ZNF607: variants seen among roughly 807,000 people sequenced by gnomAD.
ZNF607 encodes zinc finger protein 607.
A neutral mutation model predicts 12.8 loss-of-function variants in ZNF607; 5 were observed. That is an observed-to-expected ratio of 0.39 (90% CI 0.20 to 0.82). The LOEUF (loss-of-function observed/expected upper bound fraction) is 0.82. Among genes scored for constraint, ZNF607 ranks in the 40% least tolerant of loss-of-function variants. The pLI, the probability that ZNF607 is intolerant of heterozygous loss-of-function variation, is 0.39. For synonymous variants in ZNF607, 287 were observed against 276.2 expected (o/e 1.04, Z -0.39); for missense variants, 851 against 859.2 (o/e 0.99, Z 0.12).
At position 37,705,781 on chromosome 19, in the gene ZNF607, A is replaced by C. The variant is rs2045077423; in HGVS notation, c.235+2133T>G. Among the ~76,000 whole-genome samples the C allele has an allele frequency of 2.0e-5, 3 of 152,236 alleles. No homozygotes were observed. The South Asian group carries it at 6.2e-4, about 32-fold the overall frequency. On this transcript the variant is annotated intron_variant, in intron 4 of 4. Transcript: ENST00000355202. Reference sequence around the variant, plus strand: ...CTTAAGAAGAAATTGAAAATCTGAAAAAGAAAAAAAACTATATTTCTTTCT... The same window carrying C: ...CTTAAGAAGAAATTGAAAATCTGAACAAGAAAAAAAACTATATTTCTTTCT...
At chr19:37,702,287 C>CAA (rs10714690) in intron 4 of ZNF607, among the ~76,000 whole-genome samples, 114 of 73,488 alleles carry the variant, frequency 1.6e-3, no homozygotes, top group East Asian at 3.1e-3. Flanking sequence ...AACTCCATCT[C>CAA]AAAAAAAAAA....
At chr19:37,706,311 CA>C (rs1449374227) in intron 4 of ZNF607, 2 of 152,330 alleles carry the variant, frequency 1.3e-5, no homozygotes, top group Non-Finnish European at 2.9e-5. Context: ...AAGGGAAAAA[CA>C]AAAGAAAAGA....
chr19:37,714,661 T>G lies in ZNF607; in HGVS notation c.-74-2969A>C, dbSNP rs1352440902. 3.3e-5 allele frequency among the ~76,000 whole-genome samples: 5 copies of G among 151,860 alleles called. No homozygotes were observed. The East Asian group carries it at 9.6e-4, about 29-fold the overall frequency. ...GTCTTCTCACTCTCAAAAGTGATAC[T>G]GAGTTTTGCCTTATGAGAGATGCTA... On this transcript the variant is annotated intron_variant, in intron 1 of 4. Transcript: ENST00000355202.
In ZNF607 at chr19:37,699,720, A is replaced by G; in HGVS notation, c.411T>C (p.Thr137=). 3 of 1,614,094 alleles carry G rather than the reference A, an allele frequency of 1.9e-6. No homozygotes were observed. Among genetic ancestry groups the G allele is most frequent in the Non-Finnish European group, 2.5e-6 (3 of 1,180,010 alleles). The change falls in exon 5 of 5, where the codon ACT becomes ACC. Residue 137 remains threonine, a synonymous_variant. Transcript: ENST00000355202. ...TELMVHQTIH[T]SEEPDQCEKF... ...TTTCACATTGATCAGGTTCCTCACT[A>G]GTATGAATTGTTTGATGTACCATGA...
chr19:37,708,241 G>A (rs2045103389), intron 3 of ZNF607, among the ~76,000 whole-genome samples: 2 of 151,308 alleles, frequency 1.3e-5, no homozygotes, highest in African/African-American at 4.9e-5. Flanking sequence ...TGTCACCCAG[G>A]CTGGAGTGCA....
chr19:37,708,124 G>T, intron 3 of ZNF607, 112 bp from the exon 4 acceptor site: 2 of 697,244 alleles, frequency 2.9e-6, no homozygotes, highest in East Asian at 2.9e-5. Context: ...AGATTTTAGA[G>T]AAGAGTGAGG....
rs939399249 is a variant in ZNF607, at chr19:37,696,508, A to G, written c.*1532T>C. 7.4e-6 allele frequency: 3 copies of G among 405,900 alleles called. No homozygotes were observed. Among genetic ancestry groups the G allele is most frequent in the Non-Finnish European group, 1.4e-5 (3 of 219,882 alleles). The allele number at this position is 405,900 out of a possible 1,614,324, so 25.1% of individuals were successfully genotyped here. A position where few individuals can be genotyped will look rare whatever the true frequency, so the allele number is the denominator to read the frequency against. On this transcript the variant is annotated 3_prime_UTR_variant, in exon 5 of 5. Transcript: ENST00000355202. ...ATTTTACCTTTACTTCCTTCACTTT[A>G]AGCCAATCATGAAATTTCAGTGATT...
Position 37,697,362 on chromosome 19 carries a change from A to G in ZNF607, c.*678T>C, listed in dbSNP as rs1164382809. ...CATGCCTCCTGCAACAGCTAAGGCC[A>G]GGCCAAACTTGCCGATGGACTCAAA... On this transcript the variant is annotated 3_prime_UTR_variant, in exon 5 of 5. Transcript: ENST00000355202. The G allele has an allele frequency of 3.3e-6, 5 of 1,517,628 alleles. No homozygotes were observed. Among genetic ancestry groups the G allele is most frequent in the Non-Finnish European group, 4.5e-6 (5 of 1,107,094 alleles). 94.0% of individuals were successfully genotyped at this position (1,517,628 alleles called of 1,614,324 possible). A position where few individuals can be genotyped will look rare whatever the true frequency, so the allele number is the denominator to read the frequency against.
At chr19:37,711,168 A>G (rs1330511203) in intron 2 of ZNF607, among the ~76,000 whole-genome samples, 1 of 152,232 alleles carries the variant, frequency 6.6e-6, no homozygotes, top group African/African-American at 2.4e-5. Flanking sequence ...CCCTACCTGA[A>G]GATTTAGATC....
Position 37,697,568 on chromosome 19 carries a change from ATGT to A in ZNF607, c.*469_*471del. The A allele has an allele frequency of 2.0e-6, 1 of 489,328 alleles. No homozygotes were observed. The highest frequency in any genetic ancestry group is 3.7e-5 in the East Asian group (1 of 26,922). The allele number at this position is 489,328 out of a possible 1,614,324, so 30.3% of individuals were successfully genotyped here. On this transcript the variant is annotated 3_prime_UTR_variant, in exon 5 of 5. Coordinates refer to ENST00000355202, the MANE Select transcript of ZNF607 (RefSeq NM_032689.5). ...ATATCATCCCAGCTATAGGAAGCAG[ATGT>A]TGATCATGAGCATTAAATATGCAGA...
At position 37,698,149 on chromosome 19, in the gene ZNF607, C is replaced by G. The variant is rs139379295; in HGVS notation, c.1982G>C (p.Ser661Thr). The change falls in exon 5 of 5, where the codon AGT becomes ACT. Residue 661 changes from serine (S) to threonine (T), a missense_variant. Transcript: ENST00000355202. ...ACCAGTATGAACTCTATGATGTATA[C>G]TAAGTTCATGGCTACTATTAAAAGC... is the stretch of plus-strand genomic sequence containing the variant. ...GKAFNSSHELSIHHRVHTGEK... is the reference protein window; with the variant it reads ...GKAFNSSHELTIHHRVHTGEK... 1 of 1,613,862 alleles carries G rather than the reference C, an allele frequency of 6.2e-7. No homozygotes were observed. The highest frequency in any genetic ancestry group is 8.5e-7 in the Non-Finnish European group (1 of 1,179,932).
chr19:37,697,384 CA>C lies in ZNF607; in HGVS notation c.*655del, dbSNP rs2044985346. On this transcript the variant is annotated 3_prime_UTR_variant, in exon 5 of 5. Coordinates refer to ENST00000355202, the MANE Select transcript of ZNF607 (RefSeq NM_032689.5). ...GCCAGGCCAAACTTGCCGATGGACT[CA>C]AACACTTTGGCAGCCATGTTTTCTT... 1 of 1,514,298 alleles carries C rather than the reference CA, an allele frequency of 6.6e-7. No homozygotes were observed. Among genetic ancestry groups the C allele is most frequent in the South Asian group, 1.1e-5 (1 of 88,698 alleles). The allele number at this position is 1,514,298 out of a possible 1,614,324, so 93.8% of individuals were successfully genotyped here.
chr19:37,705,567 C>T (rs1239915496), intron 4 of ZNF607, among the ~76,000 whole-genome samples: 5 of 151,446 alleles, frequency 3.3e-5, no homozygotes, highest in African/African-American at 1.2e-4. Context: ...CGCTTATAGT[C>T]TCAGCCGCTT....
At chr19:37,710,390 T>G (rs1335567757) in intron 2 of ZNF607, among the ~76,000 whole-genome samples, 1 of 147,962 alleles carries the variant, frequency 6.8e-6, no homozygotes, top group South Asian at 2.1e-4. Context: ...CCCTTGAGCC[T>G]AGAAGGCAGA....
intron 4 of ZNF607, among the ~76,000 whole-genome samples, chr19:37,704,814 G>C (rs564660813): frequency 8.7e-6 from 1 of 115,480 alleles, no homozygotes; most frequent in South Asian, 2.8e-4. Context: ...AAAATTAGTC[G>C]GGCATGGTGG....
At chr19:37,701,350 C>T (rs909907051) in intron 4 of ZNF607, among the ~76,000 whole-genome samples, 1 of 152,208 alleles carries the variant, frequency 6.6e-6, no homozygotes, top group South Asian at 2.1e-4. Flanking sequence ...TCTAAAGCAA[C>T]CTTTTTCGAT....
rs368954078 is a variant in ZNF607 at position 37,698,143 on chromosome 19, T to C, written c.1988A>G (p.His663Arg). The change falls in exon 5 of 5, where the codon CAT (histidine) becomes CGT (arginine). Residue 663 changes from histidine (H) to arginine (R), a missense_variant. Physicochemically the swap from His to Arg is conservative, Grantham distance 29. Transcript: ENST00000355202. ...TTTCTCACCAGTATGAACTCTATGA[T>C]GTATACTAAGTTCATGGCTACTATT... The part of the protein sequence containing the change: ...AFNSSHELSI[H>R]HRVHTGEKPF... 5 of 1,613,968 alleles carry C rather than the reference T, an allele frequency of 3.1e-6. No homozygotes were observed. In the African/African-American group the frequency reaches 6.7e-5, roughly 22 times the overall value.
intron 4 of ZNF607, among the ~76,000 whole-genome samples, chr19:37,702,491 GAT>G (rs1262640936): frequency 6.6e-6 from 1 of 152,054 alleles, no homozygotes; most frequent in Non-Finnish European, 1.5e-5. Flanking sequence ...TGCCAAGTAA[GAT>G]ATGTTACATT....
At chr19:37,707,089 G>A (rs754834069) in intron 4 of ZNF607, among the ~76,000 whole-genome samples, 6 of 152,180 alleles carry the variant, frequency 3.9e-5, no homozygotes, top group Non-Finnish European at 7.3e-5. Flanking sequence ...GCCTACCAAA[G>A]TGCTGGGATT....
Sources: allele counts gnomAD v4.1 joint callset (sites outside exome capture counted in the v4.1 genomes callset), GRCh38; gene constraint gnomAD v4.1.1; transcripts MANE v1.5; gene names NCBI Gene and HGNC (gene_info 2026-07-23, HGNC 2026-07-21).